Variants in OR1I1 observed in about 807,000 individuals in gnomAD.
OR1I1 encodes the protein olfactory receptor 1I1.
For missense variants in OR1I1, 451 were observed against 443.6 expected (o/e 1.02, Z -0.15); for synonymous variants, 171 against 181.4 (o/e 0.94, Z 0.46).
intron 1 of OR1I1, 54 bp from the exon 2 acceptor site, chr19:15,086,999 G>A: frequency 6.5e-7 from 1 of 1,530,068 alleles, no homozygotes; most frequent in Non-Finnish European, 8.8e-7. Flanking sequence ...GGACCAGAAT[G>A]GCATCTCTGA....
intron 1 of OR1I1, among the ~76,000 whole-genome samples, chr19:15,083,906 T>C (rs2046218826): frequency 6.6e-6 from 1 of 152,142 alleles, no homozygotes; most frequent in Non-Finnish European, 1.5e-5. Context: ...AAGAATCACT[T>C]GAACCCAGGA....
In OR1I1 at chr19:15,092,087, C is replaced by CTTTTTTTTTTTTTTTTTTTTTTTT. The variant is rs537423650; in HGVS notation, c.*3977_*3978insTTTTTTTTTTTTTTTTTTTTTTTT. 8 of 49,006 alleles carry CTTTTTTTTTTTTTTTTTTTTTTTT rather than the reference C, an allele frequency of 1.6e-4. 1 individual carries two copies. The highest frequency in any genetic ancestry group is 6.5e-4 in the African/African-American group (7 of 10,726). 3.0% of individuals were successfully genotyped at this position (49,006 alleles called of 1,614,324 possible). ...CATTTCACAAATTGGATTTAAAACG[C>CTTTTTTTTTTTTTTTTTTTTTTTT]TTTTTTTTTTTTTTTTTTTTTTTGG... On this transcript the variant is annotated 3_prime_UTR_variant, in exon 2 of 2. Coordinates refer to ENST00000641398, the MANE Select transcript of OR1I1 (RefSeq NM_001004713.2).
chr19:15,088,213 T>C lies in OR1I1; in HGVS notation c.*80T>C. 1 of 1,453,812 alleles carries C rather than the reference T, an allele frequency of 6.9e-7. No individual in the cohort carries two copies. Among genetic ancestry groups the C allele is most frequent in the Non-Finnish European group, 9.1e-7 (1 of 1,100,222 alleles). 90.1% of individuals were successfully genotyped at this position (1,453,812 alleles called of 1,614,324 possible). ...AGCACCCAAAGGAAAGGTGTGCATTTTCCCCAGGATTTATCTTCCCCAAAA... is the reference window on the plus strand; with the variant it reads ...AGCACCCAAAGGAAAGGTGTGCATTCTCCCCAGGATTTATCTTCCCCAAAA... On this transcript the variant is annotated 3_prime_UTR_variant, in exon 2 of 2. Transcript: ENST00000641398.
At chr19:15,084,341 T>C (rs1026525729) in intron 1 of OR1I1, among the ~76,000 whole-genome samples, 1 of 152,148 alleles carries the variant, frequency 6.6e-6, no homozygotes, top group African/African-American at 2.4e-5. Context: ...GGGCAGATGA[T>C]GAGGTCAGGA....
At position 15,087,646 on chromosome 19, in the gene OR1I1, C is replaced by G; in HGVS notation, c.581C>G (p.Thr194Ser). The G allele has an allele frequency of 6.2e-7, 1 of 1,614,216 alleles. No homozygotes were observed. Among genetic ancestry groups the G allele is most frequent in the Non-Finnish European group, 8.5e-7 (1 of 1,180,036 alleles). ...AAGCTCTCCGGCTCAGACACGCACA[C>G]CAACGAGCTGGTGATCTTTGCTTTT... ...LLKLSGSDTH[T>S]NELVIFAFGI... The change falls in exon 2 of 2, where the codon ACC (threonine) becomes AGC (serine). Residue 194 changes from threonine (T) to serine (S), a missense_variant. Transcript: ENST00000641398.
chr19:15,085,172 A>ATTTTT (rs1445498185), intron 1 of OR1I1, among the ~76,000 whole-genome samples: 22 of 30,206 alleles, frequency 7.3e-4, no homozygotes, highest in African/African-American at 9.1e-4. Flanking sequence ...ATATATATAT[A>ATTTTT]TATATTTTTT....
chr19:15,086,564 C>T (rs971304788), intron 1 of OR1I1, among the ~76,000 whole-genome samples: 1 of 152,084 alleles, frequency 6.6e-6, no homozygotes, highest in Admixed American at 6.6e-5. Context: ...AGCTATTCAC[C>T]TGCCTCAGCC....
rs1300670031 is a variant in OR1I1 at position 15,088,310 on chromosome 19, T to C, written c.*177T>C. ...GAGGATCAGCCTTTTAGGATTGCTA[T>C]GTGAATAAGAGTAGTTGAAAACAAG... is the stretch of plus-strand genomic sequence containing the variant. On this transcript the variant is annotated 3_prime_UTR_variant, in exon 2 of 2. Transcript: ENST00000641398. 3 of 688,332 alleles carry C rather than the reference T, an allele frequency of 4.4e-6. No individual in the cohort carries two copies. The highest frequency in any genetic ancestry group is 2.8e-5 in the East Asian group (1 of 35,798). 42.6% of individuals were successfully genotyped at this position (688,332 alleles called of 1,614,324 possible).
chr19:15,087,480 C>T lies in OR1I1; in HGVS notation c.415C>T (p.Pro139Ser), dbSNP rs142932202. The part of the protein sequence containing the change: ...PQRYLVLMCS[P>S]VCGLLLGASW... ...GCGTTACTTGGTTCTCATGTGCTCC[C>T]CTGTCTGTGGGCTGCTGCTGGGAGC... is the stretch of plus-strand genomic sequence containing the variant. The change falls in exon 2 of 2, where the codon CCT (proline) becomes TCT (serine). Residue 139 changes from proline (P) to serine (S), a missense_variant. Physicochemically the swap from Pro to Ser is moderately conservative, Grantham distance 74. Transcript: ENST00000641398. 1.4e-4 allele frequency: 218 copies of T among 1,613,994 alleles called. No homozygotes were observed. In the Middle Eastern group the frequency reaches 2.1e-3, roughly 16 times the overall value.
In OR1I1 at chr19:15,091,879, T is replaced by A. The variant is rs1212955710; in HGVS notation, c.*3746T>A. 1 of 142,038 alleles carries A rather than the reference T, an allele frequency of 7.0e-6. No individual in the cohort carries two copies. Among genetic ancestry groups the A allele is most frequent in the Non-Finnish European group, 1.5e-5 (1 of 65,680 alleles). 8.8% of individuals were successfully genotyped at this position (142,038 alleles called of 1,614,324 possible). A position where few individuals can be genotyped will look rare whatever the true frequency, so the allele number is the denominator to read the frequency against. On this transcript the variant is annotated 3_prime_UTR_variant, in exon 2 of 2. Transcript: ENST00000641398. The stretch of plus-strand genomic sequence containing the variant: ...AGTTTGTAATTTAAAAGTTTGAGCA[T>A]CACTGGGCTAGATGGGGGTCCTGTA...
At chr19:15,085,479 T>C (rs2046227158) in intron 1 of OR1I1, among the ~76,000 whole-genome samples, 1 of 151,776 alleles carries the variant, frequency 6.6e-6, no homozygotes, top group Non-Finnish European at 1.5e-5. Context: ...GTCTGACTTA[T>C]GACATTTTCA....
rs753912378 is a variant in OR1I1 at position 15,087,490 on chromosome 19, G to GGCT, written c.433_435dup (p.Leu145dup). On this transcript the variant is annotated inframe_insertion, in exon 2 of 2. Transcript: ENST00000641398. ...GTTCTCATGTGCTCCCCTGTCTGTGGGCTGCTGCTGGGAGCATCATGGATG... is the reference window on the plus strand; with the variant it reads ...GTTCTCATGTGCTCCCCTGTCTGTGGGCTGCTGCTGCTGGGAGCATCATGGATG... 1.9e-6 allele frequency: 3 copies of GGCT among 1,614,126 alleles called. No individual in the cohort carries two copies. In the South Asian group the frequency reaches 3.3e-5, roughly 18 times the overall value.
Position 15,087,878 on chromosome 19 carries a change from C to T in OR1I1, c.813C>T (p.Asp271=), listed in dbSNP as rs558016845. 2 of 1,614,240 alleles carry T rather than the reference C, an allele frequency of 1.2e-6. No individual in the cohort carries two copies. The highest frequency in any genetic ancestry group is 1.7e-6 in the Non-Finnish European group (2 of 1,180,052). ...CATCCCCCAGCTCCTCCCAGAAGGACAAGGCAGCCGCCCTAATGTGTGGGG... is the reference window on the plus strand; with the variant it reads ...CATCCCCCAGCTCCTCCCAGAAGGATAAGGCAGCCGCCCTAATGTGTGGGG... The part of the protein sequence containing the change: ...QPTSPSSSQK[D]KAAALMCGVF... The change falls in exon 2 of 2, where the codon GAC becomes GAT. Residue 271 remains aspartate, a synonymous_variant. Transcript: ENST00000641398.
intron 1 of OR1I1, among the ~76,000 whole-genome samples, chr19:15,084,930 G>A (rs1249140299): frequency 1.3e-5 from 2 of 151,524 alleles, no homozygotes; most frequent in African/African-American, 4.8e-5. Flanking sequence ...GCTGCAGTGA[G>A]CTGTGATTGT....
At chr19:15,082,425 G>C (rs1193631412) in intron 1 of OR1I1, 149 bp downstream of exon 1, 1 of 152,134 alleles carries the variant, frequency 6.6e-6, no homozygotes, top group African/African-American at 2.4e-5. Context: ...TGAGCTGAGG[G>C]TGGGGGTGGA....
intron 1 of OR1I1, among the ~76,000 whole-genome samples, chr19:15,085,161 TATATATATATA>T (rs1156749478): frequency 0.042 from 2,032 of 48,298 alleles, 262 homozygotes; most frequent in African/African-American, 0.13. Context: ...TATATATATA[TATATATATATA>T]TATATTTTTT....
rs1437500002 is a variant in OR1I1 at position 15,092,420 on chromosome 19, G to A, written c.*4287G>A. On this transcript the variant is annotated 3_prime_UTR_variant, in exon 2 of 2. Transcript: ENST00000641398. ...AGGGGGTGGGGCTGTGCTTCAGAAC[G>A]AACCTGCCAGTTATCCATGCCATAG... 1.3e-5 allele frequency: 2 copies of A among 152,322 alleles called. No homozygotes were observed. Among genetic ancestry groups the A allele is most frequent in the Non-Finnish European group, 2.9e-5 (2 of 68,086 alleles). 9.4% of individuals were successfully genotyped at this position (152,322 alleles called of 1,614,324 possible).
intron 1 of OR1I1, among the ~76,000 whole-genome samples, chr19:15,085,156 ATATATATATATATATATATAT>A (rs2046224323): frequency 2.8e-5 from 1 of 35,642 alleles, no homozygotes; most frequent in African/African-American, 2.1e-4. Context: ...ATATATATAT[ATATATATATATATATATATAT>A]TTTTTTTTTT....
In OR1I1 at chr19:15,087,657, G is replaced by A. The variant is rs777708713; in HGVS notation, c.592G>A (p.Val198Met). Residue 198 changes from valine to methionine, a missense_variant, in exon 2 of 2, where the codon GTG becomes ATG. Physicochemically the swap from Val to Met is conservative, Grantham distance 21. Transcript: ENST00000641398. Reference sequence around the variant, plus strand: ...CTCAGACACGCACACCAACGAGCTGGTGATCTTTGCTTTTGGCATTGTCGT... The same window carrying A: ...CTCAGACACGCACACCAACGAGCTGATGATCTTTGCTTTTGGCATTGTCGT... ...SGSDTHTNEL[V>M]IFAFGIVVGT... 4 of 1,614,194 alleles carry A rather than the reference G, an allele frequency of 2.5e-6. No individual in the cohort carries two copies. In the South Asian group the frequency reaches 4.4e-5, roughly 18 times the overall value.
Sources: allele counts gnomAD v4.1 joint callset (sites outside exome capture counted in the v4.1 genomes callset), GRCh38; gene constraint gnomAD v4.1.1; transcripts MANE v1.5; gene names NCBI Gene and HGNC (gene_info 2026-07-23, HGNC 2026-07-21).